The following NR4A3 variants were observed in gnomAD, a reference collection of about 807,000 sequenced individuals.
NR4A3 encodes the protein nuclear receptor subfamily 4 group A member 3, also known as chondrosarcoma, extraskeletal myxoid, fused to EWS.
A neutral mutation model predicts 55.6 loss-of-function variants in NR4A3; 13 were observed. The observed-to-expected ratio is 0.23, with a 90% CI of 0.15 to 0.37. The LOEUF is 0.37. NR4A3 is among the 10% of genes least tolerant of loss of function. NR4A3 has a pLI of 1.00. For synonymous variants in NR4A3, 342 were observed against 357.9 expected (o/e 0.96, Z 0.50); for missense variants, 646 against 822.8 (o/e 0.79, Z 2.63).
chr9:99,839,590 A>C (rs1393860266), intron 5 of NR4A3, among the ~76,000 whole-genome samples: 1 of 152,238 alleles, frequency 6.6e-6, no homozygotes, highest in East Asian at 1.9e-4. Flanking sequence ...TTTAGTTTAC[A>C]TAATATCCAT....
At position 99,828,480 on chromosome 9, in the gene NR4A3, G is replaced by T; in HGVS notation, c.438G>T (p.Pro146=). The T allele has an allele frequency of 6.3e-7, 1 of 1,577,568 alleles. No individual in the cohort carries two copies. The highest frequency in any genetic ancestry group is 2.2e-5 in the East Asian group (1 of 44,520). ...KQSPPSTPTT[P]AFPPQAGALW... ...CCCCACCGTCCACCCCCACCACGCC[G>T]GCCTTCCCCCCGCAGGCGGGGGCGT... Residue 146 remains proline (P), a synonymous_variant, in exon 3 of 8, where the codon CCG becomes CCT. Transcript: ENST00000395097. This position sits in a 1 kb window ranked among gnomAD's most constrained non-coding sequence, Gnocchi z 7.7.
intron 7 of NR4A3, among the ~76,000 whole-genome samples, chr9:99,850,615 A>G (rs1316640772): frequency 6.6e-6 from 1 of 152,212 alleles, no homozygotes; most frequent in Non-Finnish European, 1.5e-5. Flanking sequence ...CAGAAATAGC[A>G]TGGACTTTGG....
In NR4A3 at chr9:99,825,281, T is replaced by A. The variant is rs1045919200; in HGVS notation, c.-176-378T>A. Among the ~76,000 whole-genome samples, 2 of 152,160 alleles carry A rather than the reference T, an allele frequency of 1.3e-5. No homozygotes were observed. Among genetic ancestry groups the A allele is most frequent in the Admixed American group, 1.3e-4 (2 of 15,266 alleles). On this transcript the variant is annotated intron_variant, in intron 1 of 7. Coordinates refer to ENST00000395097, the MANE Select transcript of NR4A3 (RefSeq NM_006981.4). This position sits in a 1 kb window ranked among gnomAD's most constrained non-coding sequence, Gnocchi z 5.0. ...CCCCCCGTATTCGGGCGGAGCTCGT[T>A]CCTCAAGTGTTCTGCTTTCTTTGGT...
At chr9:99,831,119 A>G (rs1302678573) in intron 3 of NR4A3, among the ~76,000 whole-genome samples, 1 of 152,236 alleles carries the variant, frequency 6.6e-6, no homozygotes, top group African/African-American at 2.4e-5. Context: ...TGATTGAACC[A>G]TAATGATCTC....
intron 7 of NR4A3, among the ~76,000 whole-genome samples, chr9:99,852,487 C>T (rs1384040456): frequency 6.6e-6 from 1 of 152,128 alleles, no homozygotes; most frequent in Non-Finnish European, 1.5e-5. Flanking sequence ...AAAACTAATT[C>T]TATGTGATAT....
intron 7 of NR4A3, among the ~76,000 whole-genome samples, chr9:99,853,321 C>CTTTTTTT (rs71370971): frequency 1.1e-4 from 14 of 123,340 alleles, no homozygotes; most frequent in Non-Finnish European, 1.3e-4. Flanking sequence ...TAGGGAATTT[C>CTTTTTTT]TTTTTTTTTT....
rs551383623 is a variant in NR4A3, at chr9:99,857,003, A to T, written c.1634-6617A>T. Among the ~76,000 whole-genome samples, 81 of 152,360 alleles carry T rather than the reference A, an allele frequency of 5.3e-4. 1 individual carries two copies. The highest frequency in any genetic ancestry group is 2.3e-3 in the Admixed American group (35 of 15,304). ...GTTATTTTGTTTAATGTTGCTTAATAAATAAACTTGGAAGTACCTGAAATA... is the reference window on the plus strand; with the variant it reads ...GTTATTTTGTTTAATGTTGCTTAATTAATAAACTTGGAAGTACCTGAAATA... On this transcript the variant is annotated intron_variant, in intron 7 of 7. Coordinates refer to ENST00000395097, the MANE Select transcript of NR4A3 (RefSeq NM_006981.4).
At position 99,865,696 on chromosome 9, in the gene NR4A3, A is replaced by T. The variant is rs1828085055; in HGVS notation, c.*1829A>T. 1 of 202,280 alleles carries T rather than the reference A, an allele frequency of 4.9e-6. No individual in the cohort carries two copies. Among genetic ancestry groups the T allele is most frequent in the African/African-American group, 2.3e-5 (1 of 43,628 alleles). The allele number at this position is 202,280 out of a possible 1,614,324, so 12.5% of individuals were successfully genotyped here. On this transcript the variant is annotated 3_prime_UTR_variant, in exon 8 of 8. Transcript: ENST00000395097. The surrounding 1 kb of genome is among the most constrained non-coding windows in gnomAD (Gnocchi z 4.3). ...TGTTTATATTGTCATTAAATTATAC[A>T]ATCAAACAAATGCCAAATGAATTGC...
At chr9:99,843,757 ATT>A (rs58346950) in intron 5 of NR4A3, among the ~76,000 whole-genome samples, 49 of 144,418 alleles carry the variant, frequency 3.4e-4, no homozygotes, top group Admixed American at 4.1e-4. Flanking sequence ...TGAGATTGTC[ATT>A]TTTTTTTTTT....
chr9:99,828,325 C>T lies in NR4A3; in HGVS notation c.283C>T (p.His95Tyr). 1 of 1,610,196 alleles carries T rather than the reference C, an allele frequency of 6.2e-7. No homozygotes were observed. Among genetic ancestry groups the T allele is most frequent in the Non-Finnish European group, 8.5e-7 (1 of 1,178,728 alleles). The change falls in exon 3 of 8, where the codon CAT (histidine) becomes TAT (tyrosine). Residue 95 changes from histidine to tyrosine, a missense_variant. Around this residue, in one of 5 missense-constraint regions of NR4A3, gnomAD observed 426 missense variants for 429.4 expected, o/e 0.99. Transcript: ENST00000395097. The surrounding 1 kb of genome is among the most constrained non-coding windows in gnomAD (Gnocchi z 7.7). ...GGAGGAGGGGCGGGCGCCCAGCTAC[C>T]ATCACCATCACCACCACCACCACCA... ...KVEEGRAPSY[H>Y]HHHHHHHHHH... is the part of the protein sequence containing the mutation.
Position 99,832,724 on chromosome 9 carries a change from G to A in NR4A3, c.987G>A (p.Leu329=). The change falls in exon 4 of 8, where the codon CTG becomes CTA. Residue 329 remains leucine, a synonymous_variant. Coordinates refer to ENST00000395097, the MANE Select transcript of NR4A3 (RefSeq NM_006981.4). ...AGAAAAATGCAAAATATGTTTGCCT[G>A]GCAAATAAAAACTGCCCAGTAGACA... ...TVQKNAKYVC[L]ANKNCPVDKR... 6.2e-7 allele frequency: 1 copy of A among 1,609,008 alleles called. No individual in the cohort carries two copies. Among genetic ancestry groups the A allele is most frequent in the Non-Finnish European group, 8.5e-7 (1 of 1,176,532 alleles).
At chr9:99,847,279 A>T (rs1352541331) in intron 6 of NR4A3, among the ~76,000 whole-genome samples, 158 bp from the exon 7 acceptor site, 2 of 152,232 alleles carry the variant, frequency 1.3e-5, no homozygotes, top group African/African-American at 4.8e-5. Context: ...CCCAGAGAAC[A>T]TAGTCTTATT....
rs1827208399 is a variant in NR4A3 at position 99,822,861 on chromosome 9, C to T, written c.-177+454C>T. Among the ~76,000 whole-genome samples the T allele has an allele frequency of 6.6e-6, 1 of 152,056 alleles. No individual in the cohort carries two copies. Among genetic ancestry groups the T allele is most frequent in the South Asian group, 2.1e-4 (1 of 4,826 alleles). ...TTGAAAATAGGAGCTCTGGTGGGTC[C>T]AAGTAAATGTTGCTAATGGTGGCAC... On this transcript the variant is annotated intron_variant, in intron 1 of 7. Transcript: ENST00000395097. This position sits in a 1 kb window ranked among gnomAD's most constrained non-coding sequence, Gnocchi z 4.9.
chr9:99,857,783 T>C (rs1339618739), intron 7 of NR4A3, among the ~76,000 whole-genome samples: 1 of 151,596 alleles, frequency 6.6e-6, no homozygotes, highest in East Asian at 1.9e-4. Context: ...AATAAATAAA[T>C]AAATAAATAA....
rs548539135 is a variant in NR4A3, at chr9:99,858,716, C to T, written c.1634-4904C>T. Among the ~76,000 whole-genome samples, 72 of 152,260 alleles carry T rather than the reference C, an allele frequency of 4.7e-4. 1 individual carries two copies. The South Asian group carries it at 0.015, about 31-fold the overall frequency. ...GACTTAGAGTAAAAGAAAATAGCCC[C>T]GTGCTAATTTTGACTATGGGCAAGT... On this transcript the variant is annotated intron_variant, in intron 7 of 7. Transcript: ENST00000395097.
intron 5 of NR4A3, among the ~76,000 whole-genome samples, chr9:99,837,540 A>C (rs1827578066): frequency 6.6e-6 from 1 of 152,080 alleles, no homozygotes; most frequent in African/African-American, 2.4e-5. Flanking sequence ...AACTTTATTA[A>C]ATATTTTTAA....
chr9:99,834,501 A>G (rs1377866980), intron 5 of NR4A3, among the ~76,000 whole-genome samples: 1 of 152,144 alleles, frequency 6.6e-6, no homozygotes, highest in African/African-American at 2.4e-5. Flanking sequence ...AAAAACAAAA[A>G]CAAAAACAAA....
At chr9:99,860,689 G>A (rs922248188) in intron 7 of NR4A3, among the ~76,000 whole-genome samples, 2 of 152,180 alleles carry the variant, frequency 1.3e-5, no homozygotes, top group Non-Finnish European at 2.9e-5. Flanking sequence ...AGACAGGTCC[G>A]CACCTGGGCT....
intron 5 of NR4A3, chr9:99,833,716 G>A: frequency 6.7e-7 from 1 of 1,499,410 alleles, no homozygotes; most frequent in Non-Finnish European, 8.9e-7. Flanking sequence ...GATTCCTGGT[G>A]GTTGTGCCAA....
Sources: gnomAD v4.1 joint callset for allele counts (sites outside exome capture counted in the v4.1 genomes callset) on GRCh38, gnomAD v4.1.1 for gene constraint, gnomAD v4.1.1 regional missense constraint, Gnocchi (gnomAD v3.1) non-coding constraint, MANE v1.5 for transcripts, NCBI Gene and HGNC (gene_info 2026-07-23, HGNC 2026-07-21) for gene names.